Variants in PABPC4L observed in about 807,000 individuals in gnomAD.
PABPC4L encodes the protein poly(A) binding protein cytoplasmic 4 like.
For synonymous variants in PABPC4L, 169 were observed against 164.1 expected (o/e 1.03, Z -0.23); for missense variants, 452 against 451.4 (o/e 1.00, Z -0.01).
the PABPC4L span, among the ~76,000 whole-genome samples, chr4:134,139,478 C>CAGCT: frequency 6.6e-6 from 1 of 151,916 alleles, no homozygotes; most frequent in African/African-American, 2.4e-5. Context: ...TAGTCACAAA[C>CAGCT]AGCTACAAGA....
chr4:134,170,576 G>T, the PABPC4L span, among the ~76,000 whole-genome samples: 959 of 152,216 alleles, frequency 6.3e-3, 8 homozygotes, highest in African/African-American at 0.022. Flanking sequence ...GGGGGAGCAA[G>T]GTGCCTCACA....
the PABPC4L span, among the ~76,000 whole-genome samples, chr4:134,041,617 A>G: frequency 6.6e-6 from 1 of 151,906 alleles, no homozygotes; most frequent in Non-Finnish European, 1.5e-5. Context: ...TAGGAGAAAT[A>G]CCCAGGTGAT....
chr4:134,076,811 A>T, the PABPC4L span, among the ~76,000 whole-genome samples: 3 of 152,264 alleles, frequency 2.0e-5, no homozygotes, highest in African/African-American at 7.2e-5. Flanking sequence ...ATATATACCT[A>T]GTTTTATATA....
At chr4:133,967,867 T>G in the PABPC4L span, among the ~76,000 whole-genome samples, 1 of 152,172 alleles carries the variant, frequency 6.6e-6, no homozygotes, top group African/African-American at 2.4e-5. Context: ...AAGGCAAGAA[T>G]ATAAGCTTAA....
chr4:134,038,657 C>A, the PABPC4L span, among the ~76,000 whole-genome samples: 3 of 152,000 alleles, frequency 2.0e-5, no homozygotes, highest in Non-Finnish European at 4.4e-5. Flanking sequence ...TTTGTGGGAT[C>A]GGTGGTGATA....
chr4:133,976,062 T>C, the PABPC4L span, among the ~76,000 whole-genome samples: 3 of 152,200 alleles, frequency 2.0e-5, no homozygotes, highest in Admixed American at 6.6e-5. Flanking sequence ...TCAACCTAGG[T>C]ATTAAGCCCA....
At chr4:134,096,646 T>C in the PABPC4L span, among the ~76,000 whole-genome samples, 3 of 151,952 alleles carry the variant, frequency 2.0e-5, no homozygotes, top group Admixed American at 6.6e-5. Flanking sequence ...ATAAAGATAT[T>C]TGCATGTTTC....
At chr4:133,959,856 C>T in the PABPC4L span, among the ~76,000 whole-genome samples, 2 of 152,126 alleles carry the variant, frequency 1.3e-5, no homozygotes, top group Non-Finnish European at 2.9e-5. Context: ...GGTATGGAGA[C>T]ATATAGGTGA....
chr4:134,109,264 A>T, the PABPC4L span, among the ~76,000 whole-genome samples: 1 of 151,988 alleles, frequency 6.6e-6, no homozygotes, highest in Non-Finnish European at 1.5e-5. Flanking sequence ...AAATATATAC[A>T]TATTTTTAAA....
chr4:134,079,578 C>CAAAAAAAAAAAAA, the PABPC4L span, among the ~76,000 whole-genome samples: 5 of 90,686 alleles, frequency 5.5e-5, no homozygotes, highest in African/African-American at 8.2e-5. Flanking sequence ...GACTTCCTCT[C>CAAAAAAAAAAAAA]AAAAAAAAAA....
chr4:133,963,726 T>C, the PABPC4L span, among the ~76,000 whole-genome samples: 1 of 151,892 alleles, frequency 6.6e-6, no homozygotes, highest in Non-Finnish European at 1.5e-5. Flanking sequence ...TTAAATAACC[T>C]GTTCCTCAAA....
At chr4:134,166,262 A>G in the PABPC4L span, among the ~76,000 whole-genome samples, 1 of 152,110 alleles carries the variant, frequency 6.6e-6, no homozygotes, top group African/African-American at 2.4e-5. Flanking sequence ...ACCCACTTGT[A>G]CCCCCAAAGC....
chr4:134,023,846 T>C, the PABPC4L span, among the ~76,000 whole-genome samples: 3 of 152,132 alleles, frequency 2.0e-5, no homozygotes, highest in East Asian at 3.9e-4. Context: ...TGTGAATACA[T>C]GAATATGATT....
rs1331157093 is a variant in PABPC4L at position 134,198,706 on chromosome 4, TAA to T, written c.*1199_*1200del. On this transcript the variant is annotated 3_prime_UTR_variant, in exon 2 of 2. Coordinates refer to ENST00000421491, the MANE Select transcript of PABPC4L (RefSeq NM_001114734.2). ...AAGCAGCACATATTAAAAGCCAACA[TAA>T]AAAAATCCTTTAGAAAGTATTTTAA... The T allele has an allele frequency of 6.6e-6, 1 of 151,804 alleles. No homozygotes were observed. Among genetic ancestry groups the T allele is most frequent in the Non-Finnish European group, 1.5e-5 (1 of 67,808 alleles). 9.4% of individuals were successfully genotyped at this position (151,804 alleles called of 1,614,324 possible). A position where few individuals can be genotyped will look rare whatever the true frequency, so the allele number is the denominator to read the frequency against.
Position 134,201,009 on chromosome 4 carries a change from G to C in PABPC4L, c.11C>G (p.Ala4Gly). Reference sequence around the variant, plus strand: ...CAGGGAGGCCATGCGGTACTTGGCTGCTACATTCATCTCCTTGTCCTTGCC... The same window carrying C: ...CAGGGAGGCCATGCGGTACTTGGCTCCTACATTCATCTCCTTGTCCTTGCC... MNVAAKYRMASLYV... is the reference protein window; with the variant it reads MNVGAKYRMASLYV... The change falls in exon 2 of 2, where the codon GCA becomes GGA. Residue 4 changes from alanine to glycine, a missense_variant. By Grantham distance (60) the Ala-to-Gly change is moderately conservative (BLOSUM62 0). Coordinates refer to ENST00000421491, the MANE Select transcript of PABPC4L (RefSeq NM_001114734.2). 1.3e-6 allele frequency: 2 copies of C among 1,551,906 alleles called. No homozygotes were observed. The highest frequency in any genetic ancestry group is 1.7e-6 in the Non-Finnish European group (2 of 1,147,042).
At chr4:134,065,124 C>G in the PABPC4L span, among the ~76,000 whole-genome samples, 1 of 152,166 alleles carries the variant, frequency 6.6e-6, no homozygotes, top group South Asian at 2.1e-4. Flanking sequence ...TGTGGGATTA[C>G]TGGCTCAAAT....
chr4:134,185,700 GATAA>G, the PABPC4L span, among the ~76,000 whole-genome samples: 1 of 152,074 alleles, frequency 6.6e-6, no homozygotes, highest in Non-Finnish European at 1.5e-5. Context: ...AATCAGGCAA[GATAA>G]ATAAATAAAG....
the PABPC4L span, among the ~76,000 whole-genome samples, chr4:134,179,033 T>A: frequency 6.6e-6 from 1 of 151,960 alleles, no homozygotes; most frequent in African/African-American, 2.4e-5. Flanking sequence ...ATTCAAATAT[T>A]GAGGAAATAC....
At chr4:134,040,495 A>T in the PABPC4L span, among the ~76,000 whole-genome samples, 2 of 152,192 alleles carry the variant, frequency 1.3e-5, no homozygotes, top group Admixed American at 1.3e-4. Context: ...CCTATTTAAT[A>T]AATGCTGTTG....
Sources: allele counts gnomAD v4.1 joint callset (sites outside exome capture counted in the v4.1 genomes callset), GRCh38; gene constraint gnomAD v4.1.1; transcripts MANE v1.5; gene names NCBI Gene and HGNC (gene_info 2026-07-23, HGNC 2026-07-21).